The following CYREN variants were observed in gnomAD, a reference collection of about 807,000 sequenced individuals.
CYREN encodes the protein cell cycle regulator of NHEJ.
Under a neutral mutation model 9.7 loss-of-function variants are expected in CYREN, and 7 were observed. The ratio of observed to expected loss-of-function variants is 0.72; its 90% CI spans 0.41 to 1.36. CYREN has a LOEUF of 1.36. CYREN is among the 40% of genes most tolerant of loss of function. CYREN has a pLI of 0.01. For missense variants in CYREN, 215 were observed against 198.1 expected (o/e 1.09, Z -0.51); for synonymous variants, 76 against 77.9 (o/e 0.98, Z 0.13).
chr7:135,155,645 G>T (rs1468743826), intron 2 of CYREN, among the ~76,000 whole-genome samples: 1 of 152,106 alleles, frequency 6.6e-6, no homozygotes, highest in East Asian at 1.9e-4. Context: ...GATGGAAGGT[G>T]GTCAAGACCA....
chr7:135,144,949 A>AAAAT (rs1382079473), intron 2 of CYREN, among the ~76,000 whole-genome samples: 15 of 145,606 alleles, frequency 1.0e-4, no homozygotes, highest in African/African-American at 3.5e-4. Flanking sequence ...AAAAAAAAAA[A>AAAAT]AAAAAAAAAA....
chr7:135,129,236 C>T (rs763146449), intron 2 of CYREN: 5 of 1,484,966 alleles, frequency 3.4e-6, no homozygotes, highest in Non-Finnish European at 4.7e-6. Flanking sequence ...AGGAGCCTGG[C>T]TACATCATGG....
At chr7:135,116,589 A>G (rs988244251) in intron 2 of CYREN, among the ~76,000 whole-genome samples, 1 of 152,158 alleles carries the variant, frequency 6.6e-6, no homozygotes, top group Non-Finnish European at 1.5e-5. Flanking sequence ...TTGGTTTCCA[A>G]TGACACCCTG....
intron 2 of CYREN, chr7:135,115,414 A>T: frequency 6.4e-7 from 1 of 1,551,294 alleles, no homozygotes; most frequent in Non-Finnish European, 8.7e-7. Flanking sequence ...AAATAAAAGA[A>T]TGCATATCTT....
At chr7:135,093,640 G>T (rs1822197684) in exon 3 of CYREN, 1 of 152,114 alleles carries the variant, frequency 6.6e-6, no homozygotes, top group South Asian at 2.1e-4. Context: ...AGATAACTCT[G>T]GTCATGGATC....
chr7:135,155,507 T>C (rs947248520), intron 2 of CYREN, among the ~76,000 whole-genome samples: 1 of 152,246 alleles, frequency 6.6e-6, no homozygotes, highest in Non-Finnish European at 1.5e-5. Flanking sequence ...ATGAGTTTTA[T>C]ACTTCTGTAT....
rs1829662878 is a variant in CYREN, at chr7:135,151,425, A to G, written n.356+17324T>C. On this transcript the variant is annotated intron_variant and non_coding_transcript_variant, in intron 2 of 2. Transcript: ENST00000459937. This position sits in a 1 kb window ranked among gnomAD's most constrained non-coding sequence, Gnocchi z 4.3. ...CAATGTGTTCCACCAGAAATATTTT[A>G]GCCAGGACTGGTGGCCTCTGACAAG... is the stretch of plus-strand genomic sequence containing the variant. 6.6e-6 allele frequency among the ~76,000 whole-genome samples: 1 copy of G among 152,218 alleles called. No individual in the cohort carries two copies. The highest frequency in any genetic ancestry group is 2.4e-5 in the African/African-American group (1 of 41,444).
chr7:135,124,226 A>AT (rs961743544), intron 2 of CYREN, among the ~76,000 whole-genome samples: 3 of 151,960 alleles, frequency 2.0e-5, no homozygotes, highest in African/African-American at 7.3e-5. Flanking sequence ...AAAGCAAAAA[A>AT]AAAAAAAGTA....
exon 3 of CYREN, chr7:135,094,456 T>C: frequency 2.2e-6 from 1 of 456,628 alleles, no homozygotes; most frequent in Non-Finnish European, 4.4e-6. Context: ...AGAGGCTGAG[T>C]GCGCACTAGC....
At chr7:135,153,460 A>AAG (rs1408113917) in intron 2 of CYREN, among the ~76,000 whole-genome samples, 1 of 151,482 alleles carries the variant, frequency 6.6e-6, no homozygotes, top group African/African-American at 2.4e-5. Context: ...TCTCCACAAA[A>AAG]AAAAAAAAAA....
intron 2 of CYREN, among the ~76,000 whole-genome samples, chr7:135,113,781 T>C (rs1825954406): frequency 6.6e-6 from 1 of 152,202 alleles, no homozygotes; most frequent in African/African-American, 2.4e-5. Context: ...TCTTTTAAAA[T>C]TGAAACTTTA....
rs1308405450 is a variant in CYREN, at chr7:135,146,014, T to C, written n.356+22735A>G. Reference sequence around the variant, plus strand: ...ACAACATAAGGCCTAACATTTGGCTTATCTTTGCTTTCACAATGCCTTCCT... The same window carrying C: ...ACAACATAAGGCCTAACATTTGGCTCATCTTTGCTTTCACAATGCCTTCCT... On this transcript the variant is annotated intron_variant and non_coding_transcript_variant, in intron 2 of 2. Transcript: ENST00000459937. Among the ~76,000 whole-genome samples the C allele has an allele frequency of 2.0e-5, 3 of 152,356 alleles. No individual in the cohort carries two copies. In the East Asian group the frequency reaches 5.8e-4, roughly 29 times the overall value.
At chr7:135,146,308 C>T (rs573927555) in intron 2 of CYREN, among the ~76,000 whole-genome samples, 3 of 152,234 alleles carry the variant, frequency 2.0e-5, no homozygotes, top group Admixed American at 1.3e-4. Flanking sequence ...CATATGGGTG[C>T]GGTTCATGGC....
At chr7:135,127,021 A>T (rs533380055) in intron 2 of CYREN, among the ~76,000 whole-genome samples, 2 of 152,350 alleles carry the variant, frequency 1.3e-5, no homozygotes, top group East Asian at 3.9e-4. Flanking sequence ...GACAAATGGG[A>T]TCTAATTATA....
chr7:135,170,570 T>C (rs1376996668), intron 1 of CYREN, 82 bp downstream of exon 1: 1 of 152,318 alleles, frequency 6.6e-6, no homozygotes, highest in Non-Finnish European at 1.5e-5. Flanking sequence ...CAGGTTCCCG[T>C]CTCCGGCTCT....
intron 2 of CYREN, chr7:135,129,316 G>A: frequency 1.0e-5 from 14 of 1,347,430 alleles, no homozygotes; most frequent in Middle Eastern, 2.0e-4. Flanking sequence ...GTCTCTCCAT[G>A]TAAGGTGACT....
chr7:135,125,866 A>C (rs1168367698), intron 2 of CYREN, among the ~76,000 whole-genome samples: 1 of 152,248 alleles, frequency 6.6e-6, no homozygotes, highest in Non-Finnish European at 1.5e-5. Context: ...AAAAACTCTC[A>C]ATAAACTAGG....
chr7:135,126,556 A>G (rs974736944), intron 2 of CYREN, among the ~76,000 whole-genome samples: 2 of 152,258 alleles, frequency 1.3e-5, no homozygotes, highest in Non-Finnish European at 2.9e-5. Flanking sequence ...TTCATATGGA[A>G]TCAAAGAAAA....
At chr7:135,167,569 G>A in intron 3 of CYREN, 163 bp downstream of exon 3, 5 of 985,420 alleles carry the variant, frequency 5.1e-6, no homozygotes, top group Non-Finnish European at 6.0e-6. Flanking sequence ...CCCACATGGG[G>A]AGAGGCCTGG....
Sources: gnomAD v4.1 joint callset for allele counts (sites outside exome capture counted in the v4.1 genomes callset) on GRCh38, gnomAD v4.1.1 for gene constraint, Gnocchi (gnomAD v3.1) non-coding constraint, MANE v1.5 for transcripts, NCBI Gene and HGNC (gene_info 2026-07-23, HGNC 2026-07-21) for gene names.